The following PAX7 variants were observed in gnomAD, a reference collection of about 807,000 sequenced individuals.
The protein encoded by PAX7 is paired box 7, also known as paired box protein Pax-7.
Under a neutral mutation model 50.7 loss-of-function variants are expected in PAX7, and 18 were observed. The observed-to-expected ratio is 0.36, with a 90% confidence interval of 0.25 to 0.53. The LOEUF is 0.53. Ranked by LOEUF, PAX7 falls within the 20% of genes least tolerant of loss-of-function variation. The pLI is 0.93. For missense variants in PAX7, 644 were observed against 702.9 expected (o/e 0.92, Z 0.95); for synonymous variants, 310 against 290.4 (o/e 1.07, Z -0.69).
At chr1:18,739,617 G>A (rs1341738104) in intron 8 of PAX7, among the ~76,000 whole-genome samples, 1 of 152,188 alleles carries the variant, frequency 6.6e-6, no homozygotes, top group Non-Finnish European at 1.5e-5. Flanking sequence ...TGTGTACACA[G>A]CCACACCTGC....
intron 7 of PAX7, 40 bp downstream of exon 7, chr1:18,703,336 C>G: frequency 6.3e-7 from 1 of 1,575,744 alleles, no homozygotes; most frequent in Non-Finnish European, 8.7e-7. Flanking sequence ...CCCACCGCCA[C>G]GAAAGTCAGA....
intron 7 of PAX7, among the ~76,000 whole-genome samples, chr1:18,730,291 A>G (rs1347747067): frequency 6.6e-6 from 1 of 152,198 alleles, no homozygotes; most frequent in Non-Finnish European, 1.5e-5. Flanking sequence ...TCTGGCCCCT[A>G]TGCTGCAGGA....
At chr1:18,652,874 A>T (rs1244764347) in intron 4 of PAX7, among the ~76,000 whole-genome samples, 6 of 151,534 alleles carry the variant, frequency 4.0e-5, no homozygotes, top group African/African-American at 9.7e-5. Context: ...TGCTCTATAC[A>T]CCTCCCTTAA....
intron 8 of PAX7, among the ~76,000 whole-genome samples, chr1:18,742,148 CTTTTTTTTT>C (rs61248648): frequency 9.7e-6 from 1 of 103,556 alleles, no homozygotes; most frequent in South Asian, 3.0e-4. Context: ...AATGAGGCTT[CTTTTTTTTT>C]TTTTTTTTTT....
chr1:18,714,120 T>C (rs931094261), intron 7 of PAX7, among the ~76,000 whole-genome samples: 2 of 152,008 alleles, frequency 1.3e-5, no homozygotes, highest in African/African-American at 2.4e-5. Context: ...GGCAGGAGAA[T>C]TGCTTGGACC....
chr1:18,699,556 C>A lies in PAX7; in HGVS notation c.787-1097C>A, dbSNP rs543318037. ...ATCCAGATAAGTGGGCTCTAGAAAG[C>A]CAGACTGATTTTTTTTTTTTTTTGA... On this transcript the variant is annotated intron_variant, in intron 5 of 8. Coordinates refer to ENST00000420770, the MANE Select transcript of PAX7 (RefSeq NM_001135254.2). Among the ~76,000 whole-genome samples the A allele has an allele frequency of 3.4e-5, 5 of 146,614 alleles. No individual in the cohort carries two copies. The East Asian group carries it at 1.1e-3, about 32-fold the overall frequency.
chr1:18,707,399 TTTTCTTTTTTTC>T (rs1487720077), intron 7 of PAX7, among the ~76,000 whole-genome samples: 40 of 128,562 alleles, frequency 3.1e-4, no homozygotes, highest in South Asian at 2.7e-3. Context: ...TTTTCTTTCC[TTTTCTTTTTTTC>T]TTTCTTTTTT....
rs148832029 is a variant in PAX7, at chr1:18,634,506, C to A, written c.289C>A (p.Arg97=). 2 of 1,614,040 alleles carry A rather than the reference C, an allele frequency of 1.2e-6. No individual in the cohort carries two copies. The highest frequency in any genetic ancestry group is 1.7e-6 in the Non-Finnish European group (2 of 1,180,048). Residue 97 remains arginine, a synonymous_variant, in exon 2 of 9, where the codon CGG becomes AGG. Transcript: ENST00000420770. This position sits in a 1 kb window ranked among gnomAD's most constrained non-coding sequence, Gnocchi z 4.0. The part of the protein sequence containing the change: ...LCRYQETGSI[R]PGAIGGSKPR... Reference sequence around the variant, plus strand: ...CCGCTACCAGGAGACCGGGTCCATCCGGCCTGGGGCCATCGGCGGCAGCAA... The same window carrying A: ...CCGCTACCAGGAGACCGGGTCCATCAGGCCTGGGGCCATCGGCGGCAGCAA...
chr1:18,743,338 C>T (rs1456506261), intron 8 of PAX7, among the ~76,000 whole-genome samples: 1 of 152,232 alleles, frequency 6.6e-6, no homozygotes, highest in Non-Finnish European at 1.5e-5. Flanking sequence ...AATACAGCCT[C>T]CCGTGGCTCA....
intron 5 of PAX7, among the ~76,000 whole-genome samples, chr1:18,699,706 G>A (rs964833996): frequency 5.3e-5 from 8 of 152,046 alleles, no homozygotes; most frequent in African/African-American, 9.6e-5. Flanking sequence ...GACTACAGGC[G>A]CCCACCACCA....
At chr1:18,653,432 T>C (rs989520186) in intron 4 of PAX7, among the ~76,000 whole-genome samples, 10 of 151,926 alleles carry the variant, frequency 6.6e-5, no homozygotes, top group Non-Finnish European at 5.9e-5. Context: ...GGAAGTGGCG[T>C]TGGTTTGTGG....
In PAX7 at chr1:18,630,876, A is replaced by C. The variant is rs891659924; in HGVS notation, c.-728A>C. Reference sequence around the variant, plus strand: ...TTTTGCACAACTTACCCAGCTGATCACTCGCGCCCCCTCGCTTTTCCATTT... The same window carrying C: ...TTTTGCACAACTTACCCAGCTGATCCCTCGCGCCCCCTCGCTTTTCCATTT... On this transcript the variant is annotated 5_prime_UTR_variant, in exon 1 of 9. Transcript: ENST00000420770. 1.1e-5 allele frequency: 2 copies of C among 186,138 alleles called. No individual in the cohort carries two copies. Among genetic ancestry groups the C allele is most frequent in the Non-Finnish European group, 2.3e-5 (2 of 88,410 alleles). 11.5% of individuals were successfully genotyped at this position (186,138 alleles called of 1,614,324 possible). A position where few individuals can be genotyped will look rare whatever the true frequency, so the allele number is the denominator to read the frequency against.
chr1:18,691,761 G>T lies in PAX7; in HGVS notation c.594G>T (p.Arg198=). The change falls in exon 5 of 9, where the codon CGG becomes CGT. Residue 198 remains arginine (R), a synonymous_variant. Coordinates refer to ENST00000420770, the MANE Select transcript of PAX7 (RefSeq NM_001135254.2). ...IDGILGDKGN[R]LDEGSDVESE... Reference sequence around the variant, plus strand: ...CCTCTCCTCCGGCTGTAGGGAACCGGCTGGACGAGGGCTCGGATGTGGAGT... The same window carrying T: ...CCTCTCCTCCGGCTGTAGGGAACCGTCTGGACGAGGGCTCGGATGTGGAGT... 2 of 1,576,448 alleles carry T rather than the reference G, an allele frequency of 1.3e-6. No individual in the cohort carries two copies. The highest frequency in any genetic ancestry group is 1.7e-6 in the Non-Finnish European group (2 of 1,161,342).
chr1:18,670,268 A>G (rs1251570360), intron 4 of PAX7, among the ~76,000 whole-genome samples: 1 of 152,174 alleles, frequency 6.6e-6, no homozygotes, highest in South Asian at 2.1e-4. Context: ...CTTGGTGTCC[A>G]GCAAATGATC....
chr1:18,635,529 A>AAGGAAG (rs1553133206), intron 3 of PAX7, among the ~76,000 whole-genome samples: 2 of 49,118 alleles, frequency 4.1e-5, no homozygotes, highest in African/African-American at 2.3e-4. Flanking sequence ...AAGGAAGGAA[A>AAGGAAG]GAAGGAAGGA....
At position 18,631,561 on chromosome 1, in the gene PAX7, G is replaced by A; in HGVS notation, c.-43G>A. ...CAGGGGTGAAGGGAGCGGACGGGAA[G>A]CGATTTTTGCCGACTTTGGATTCGT... is the stretch of plus-strand genomic sequence containing the variant. On this transcript the variant is annotated 5_prime_UTR_variant, in exon 1 of 9. Coordinates refer to ENST00000420770, the MANE Select transcript of PAX7 (RefSeq NM_001135254.2). 6.5e-7 allele frequency: 1 copy of A among 1,545,734 alleles called. No individual in the cohort carries two copies. The highest frequency in any genetic ancestry group is 1.7e-5 in the Admixed American group (1 of 57,250).
At chr1:18,690,678 G>A (rs1282803596) in intron 4 of PAX7, among the ~76,000 whole-genome samples, 1 of 152,220 alleles carries the variant, frequency 6.6e-6, no homozygotes, top group African/African-American at 2.4e-5. Flanking sequence ...GGCCCAGGAA[G>A]CAACAGGCCT....
intron 4 of PAX7, among the ~76,000 whole-genome samples, chr1:18,687,663 G>A (rs2088997315): frequency 6.6e-6 from 1 of 152,108 alleles, no homozygotes; most frequent in South Asian, 2.1e-4. Flanking sequence ...ACAAACTGCA[G>A]TTCTGTTCTC....
Position 18,744,700 on chromosome 1 carries a change from G to A in PAX7, c.1403-114G>A, listed in dbSNP as rs796838396. On this transcript the variant is annotated intron_variant, in intron 8 of 8. Coordinates refer to ENST00000420770, the MANE Select transcript of PAX7 (RefSeq NM_001135254.2). Reference sequence around the variant, plus strand: ...TGGATGGATGGATAAATGGATGGATGGATGGATGGATGGATGGATGGATGG... The same window carrying A: ...TGGATGGATGGATAAATGGATGGATAGATGGATGGATGGATGGATGGATGG... 5.5e-3 allele frequency: 2,300 copies of A among 415,814 alleles called. 15 individuals are homozygous for A. Among genetic ancestry groups the A allele is most frequent in the African/African-American group, 0.025 (935 of 38,016 alleles). The allele number at this position is 415,814 out of a possible 1,614,324, so 25.8% of individuals were successfully genotyped here. A position where few individuals can be genotyped will look rare whatever the true frequency, so the allele number is the denominator to read the frequency against.
Sources: gnomAD v4.1 joint callset for allele counts (sites outside exome capture counted in the v4.1 genomes callset) on GRCh38, gnomAD v4.1.1 for gene constraint, Gnocchi (gnomAD v3.1) non-coding constraint, MANE v1.5 for transcripts, NCBI Gene and HGNC (gene_info 2026-07-23, HGNC 2026-07-21) for gene names.